ZNF804A: variants seen among roughly 807,000 people sequenced by gnomAD.
ZNF804A encodes zinc finger protein 804A.
ZNF804A carries 2 observed loss-of-function variants against 16.5 expected under a neutral mutation model. The ratio of observed to expected loss-of-function variants is 0.12; its 90% confidence interval spans 0.05 to 0.38. ZNF804A has a LOEUF of 0.38. ZNF804A is among the 10% of genes least tolerant of loss of function. The pLI is 0.99. For synonymous variants in ZNF804A, 534 were observed against 489.6 expected (o/e 1.09, Z -1.20); for missense variants, 1,473 against 1,390.7 (o/e 1.06, Z -0.94).
intron 1 of ZNF804A, among the ~76,000 whole-genome samples, chr2:184,638,202 C>T (rs1200198118): frequency 1.3e-5 from 2 of 152,136 alleles, no homozygotes; most frequent in South Asian, 2.1e-4. Context: ...TTATATTTAA[C>T]TTATTATTTA....
At chr2:184,673,673 T>C (rs1258260470) in intron 1 of ZNF804A, among the ~76,000 whole-genome samples, 3 of 152,196 alleles carry the variant, frequency 2.0e-5, no homozygotes, top group Admixed American at 1.3e-4. Flanking sequence ...GCTTTGTGTG[T>C]CTCTTCCTTC....
chr2:184,914,352 A>G (rs1269347132), intron 2 of ZNF804A, among the ~76,000 whole-genome samples: 1 of 152,142 alleles, frequency 6.6e-6, no homozygotes, highest in East Asian at 1.9e-4. Context: ...GCCCCTCAAG[A>G]ACTAATACAT....
chr2:184,826,340 C>A (rs1387691700), intron 1 of ZNF804A, among the ~76,000 whole-genome samples: 2 of 152,050 alleles, frequency 1.3e-5, no homozygotes, highest in African/African-American at 4.8e-5. Flanking sequence ...ATGTGTCCTA[C>A]TATCTTATGA....
intron 1 of ZNF804A, among the ~76,000 whole-genome samples, chr2:184,612,811 T>C: frequency 6.6e-6 from 1 of 152,360 alleles, no homozygotes; most frequent in Middle Eastern, 3.4e-3. Context: ...GAATTTCAGA[T>C]GGAGTTTATT....
In ZNF804A at chr2:184,937,927, C is replaced by T; in HGVS notation, c.2531C>T (p.Pro844Leu). 1 of 1,614,004 alleles carries T rather than the reference C, an allele frequency of 6.2e-7. No individual in the cohort carries two copies. The highest frequency in any genetic ancestry group is 8.5e-7 in the Non-Finnish European group (1 of 1,180,004). ...YPVKDNSSLN[P>L]LDRLISEDKK... ...GTGAAAGACAATTCTTCCTTAAATC[C>T]TCTGGATAGGTTAATAAGTGAAGAC... is the stretch of plus-strand genomic sequence containing the variant. The change falls in exon 4 of 4, where the codon CCT (proline) becomes CTT (leucine). Residue 844 changes from proline to leucine, a missense_variant. Coordinates refer to ENST00000302277, the MANE Select transcript of ZNF804A (RefSeq NM_194250.2).
rs1006129839 is a variant in ZNF804A at position 184,798,485 on chromosome 2, T to C, written c.112-67884T>C. 5.9e-5 allele frequency among the ~76,000 whole-genome samples: 9 copies of C among 152,074 alleles called. 1 individual carries two copies. The highest frequency in any genetic ancestry group is 2.2e-4 in the African/African-American group (9 of 41,444). On this transcript the variant is annotated intron_variant, in intron 1 of 3. Coordinates refer to ENST00000302277, the MANE Select transcript of ZNF804A (RefSeq NM_194250.2). ...TGGATTGGGTTAATTTGAATACTTG[T>C]CTTTGAGCTCTGAATTTCTTTCTTT... is the stretch of plus-strand genomic sequence containing the variant.
intron 1 of ZNF804A, among the ~76,000 whole-genome samples, chr2:184,800,766 C>T (rs1282354964): frequency 6.6e-6 from 1 of 151,914 alleles, no homozygotes; most frequent in African/African-American, 2.4e-5. Flanking sequence ...TTTTTCACTC[C>T]CATCACTTAT....
intron 2 of ZNF804A, among the ~76,000 whole-genome samples, chr2:184,872,165 A>AT (rs1695984702): frequency 6.6e-6 from 1 of 152,128 alleles, no homozygotes; most frequent in South Asian, 2.1e-4. Flanking sequence ...ATATATGAAA[A>AT]TCTATTTTAA....
intron 2 of ZNF804A, among the ~76,000 whole-genome samples, chr2:184,897,887 A>C (rs1266748392): frequency 6.6e-6 from 1 of 152,066 alleles, no homozygotes; most frequent in Non-Finnish European, 1.5e-5. Flanking sequence ...TCCGTGCCTC[A>C]AACCAAGAAT....
chr2:184,768,794 T>C (rs1230308209), intron 1 of ZNF804A, among the ~76,000 whole-genome samples: 1 of 152,070 alleles, frequency 6.6e-6, no homozygotes, highest in Non-Finnish European at 1.5e-5. Flanking sequence ...AAGTTTATAT[T>C]TACAAATGAC....
chr2:184,663,870 A>G (rs904039796), intron 1 of ZNF804A, among the ~76,000 whole-genome samples: 2 of 152,214 alleles, frequency 1.3e-5, no homozygotes, highest in Non-Finnish European at 2.9e-5. Flanking sequence ...TCTCCTTCAT[A>G]GCACAAAGCT....
intron 1 of ZNF804A, among the ~76,000 whole-genome samples, chr2:184,836,491 A>T (rs1262487023): frequency 1.3e-5 from 2 of 152,114 alleles, no homozygotes; most frequent in Non-Finnish European, 2.9e-5. Flanking sequence ...ACTGATAAAT[A>T]TAACAGTAAT....
intron 1 of ZNF804A, among the ~76,000 whole-genome samples, chr2:184,656,905 A>G (rs1358134966): frequency 2.0e-5 from 3 of 152,060 alleles, no homozygotes; most frequent in Admixed American, 6.6e-5. Flanking sequence ...AGCTCTTTCA[A>G]AATGTTCTGC....
chr2:184,710,145 T>C (rs1018341894), intron 1 of ZNF804A, among the ~76,000 whole-genome samples: 1 of 151,412 alleles, frequency 6.6e-6, no homozygotes, highest in African/African-American at 2.4e-5. Flanking sequence ...AATTTAATGT[T>C]TTATTCAGGT....
intron 1 of ZNF804A, among the ~76,000 whole-genome samples, chr2:184,704,031 G>GT (rs1307812585): frequency 8.5e-5 from 13 of 152,082 alleles, no homozygotes; most frequent in Non-Finnish European, 1.8e-4. Context: ...AAAGAGAGTT[G>GT]TAGGGGTACC....
At chr2:184,787,204 C>G (rs1694462129) in intron 1 of ZNF804A, among the ~76,000 whole-genome samples, 1 of 151,944 alleles carries the variant, frequency 6.6e-6, no homozygotes, top group Admixed American at 6.6e-5. Context: ...TAAATTAGAA[C>G]ATTCAATGTT....
At chr2:184,861,565 T>C (rs1695800099) in intron 1 of ZNF804A, among the ~76,000 whole-genome samples, 1 of 152,154 alleles carries the variant, frequency 6.6e-6, no homozygotes, top group Non-Finnish European at 1.5e-5. Context: ...TGGGCTCTGA[T>C]AAAAGCTCTG....
intron 2 of ZNF804A, among the ~76,000 whole-genome samples, chr2:184,905,585 T>C (rs1034924061): frequency 3.9e-5 from 6 of 152,194 alleles, no homozygotes; most frequent in African/African-American, 1.4e-4. Flanking sequence ...TGTGTTATTT[T>C]TTCTGTAGTA....
chr2:184,731,251 CAAAAAAAAAAAAAAAAAAA>C (rs563068533), intron 1 of ZNF804A, among the ~76,000 whole-genome samples: 54 of 45,316 alleles, frequency 1.2e-3, no homozygotes, highest in Admixed American at 4.7e-3. Context: ...GGCTCCGTCG[CAAAAAAAAAAAAAAAAAAA>C]AAAAAAAAAA....
Sources: allele counts gnomAD v4.1 joint callset (sites outside exome capture counted in the v4.1 genomes callset), GRCh38; gene constraint gnomAD v4.1.1; transcripts MANE v1.5; gene names NCBI Gene and HGNC (gene_info 2026-07-23, HGNC 2026-07-21).